The following CSN2 variants were observed in gnomAD, a reference collection of about 807,000 sequenced individuals.
The protein encoded by CSN2 is beta-casein.
Under a neutral mutation model 27.3 loss-of-function variants are expected in CSN2, and 27 were observed. The ratio of observed to expected loss-of-function variants is 0.99; its 90% CI spans 0.73 to 1.36. The LOEUF (loss-of-function observed/expected upper bound fraction) is 1.36. CSN2 is among the 40% of genes most tolerant of loss of function. The pLI is 0.00. For missense variants in CSN2, 333 were observed against 264.5 expected (o/e 1.26, Z -1.80); for synonymous variants, 131 against 94.8 (o/e 1.38, Z -2.22).
In CSN2 at chr4:69,958,960, A is replaced by G. The variant is rs1325540204; in HGVS notation, c.100-7T>C. The G allele has an allele frequency of 1.3e-6, 2 of 1,590,722 alleles. No homozygotes were observed. Among genetic ancestry groups the G allele is most frequent in the Non-Finnish European group, 1.7e-6 (2 of 1,163,164 alleles). ...TAACCTTCTCAACTTTCTGCTAAAG[A>G]TATATCATATATAAAGATATGTTAC... On this transcript the variant is annotated splice_region_variant and splice_polypyrimidine_tract_variant and intron_variant, in intron 4 of 7. Coordinates refer to ENST00000353151, the MANE Select transcript of CSN2 (RefSeq NM_001891.4).
At position 69,958,931 on chromosome 4, in the gene CSN2, T is replaced by C. The variant is rs1337747245; in HGVS notation, c.122A>G (p.His41Arg). The change falls in exon 5 of 8, where the codon CAT becomes CGT. Residue 41 changes from histidine to arginine, a missense_variant. Coordinates refer to ENST00000353151, the MANE Select transcript of CSN2 (RefSeq NM_001891.4). ...EYKQKVEKVK[H>R]EDQQQGEDEH... ...TACCTCTCCTTGCTGCTGGTCCTCA[T>C]GTTTAACCTTCTCAACTTTCTGCTA... 1.3e-6 allele frequency: 2 copies of C among 1,597,100 alleles called. No homozygotes were observed. The highest frequency in any genetic ancestry group is 2.3e-5 in the East Asian group (1 of 44,434).
chr4:69,959,646 G>A (rs768132277), intron 3 of CSN2, among the ~76,000 whole-genome samples: 6 of 151,828 alleles, frequency 4.0e-5, no homozygotes, highest in African/African-American at 4.8e-5. Flanking sequence ...CTTTTTGCAC[G>A]TCTGCCTACC....
chr4:69,958,074 AT>A (rs1723462649), intron 5 of CSN2, among the ~76,000 whole-genome samples: 1 of 152,148 alleles, frequency 6.6e-6, no homozygotes, highest in East Asian at 1.9e-4. Context: ...TTTTTTTAAC[AT>A]TTTCCTGAAT....
chr4:69,957,210 C>A, intron 6 of CSN2, 64 bp downstream of exon 6: 1 of 1,409,224 alleles, frequency 7.1e-7, no homozygotes. Context: ...TACATTTATT[C>A]TTTTATTCTA....
chr4:69,958,442 T>C (rs1008781697), intron 5 of CSN2, among the ~76,000 whole-genome samples: 1 of 152,130 alleles, frequency 6.6e-6, no homozygotes, highest in Non-Finnish European at 1.5e-5. Flanking sequence ...CACAAAGCAA[T>C]TGAAAATTAT....
chr4:69,961,315 CA>C (rs1343452439), intron 1 of CSN2, among the ~76,000 whole-genome samples: 1 of 151,958 alleles, frequency 6.6e-6, no homozygotes, highest in African/African-American at 2.4e-5. Context: ...TTGAATTTTT[CA>C]AAAGGCATAA....
In CSN2 at chr4:69,959,084, A is replaced by C; in HGVS notation, c.79-15T>G. 7.6e-7 allele frequency: 1 copy of C among 1,321,632 alleles called. No individual in the cohort carries two copies. Among genetic ancestry groups the C allele is most frequent in the Non-Finnish European group, 1.0e-6 (1 of 956,502 alleles). The allele number at this position is 1,321,632 out of a possible 1,614,324, so 81.9% of individuals were successfully genotyped here. Reference sequence around the variant, plus strand: ...GTAATAGATTCCTACAGAAAAATATAAAATAAAATTAGGTTTAGTTTTAAC... The same window carrying C: ...GTAATAGATTCCTACAGAAAAATATCAAATAAAATTAGGTTTAGTTTTAAC... On this transcript the variant is annotated splice_polypyrimidine_tract_variant and intron_variant, in intron 3 of 7. Transcript: ENST00000353151.
chr4:69,957,572 A>G lies in CSN2; in HGVS notation c.377T>C (p.Phe126Ser), dbSNP rs1363843344. The change falls in exon 6 of 8, where the codon TTT becomes TCT. Residue 126 changes from phenylalanine (F) to serine (S), a missense_variant. Coordinates refer to ENST00000353151, the MANE Select transcript of CSN2 (RefSeq NM_001891.4). ...PVLKSPTIPF[F>S]DPQIPKLTDL... ...AGTGAGTTTTGGGATTTGAGGGTCAAAAAAGGGTATCGTTGGAGATTTAAG... is the reference window on the plus strand; with the variant it reads ...AGTGAGTTTTGGGATTTGAGGGTCAGAAAAGGGTATCGTTGGAGATTTAAG... 26 of 1,613,866 alleles carry G rather than the reference A, an allele frequency of 1.6e-5. No individual in the cohort carries two copies. Among genetic ancestry groups the G allele is most frequent in the Non-Finnish European group, 2.0e-5 (24 of 1,180,006 alleles).
intron 6 of CSN2, among the ~76,000 whole-genome samples, chr4:69,956,751 C>T (rs892905538): frequency 2.0e-5 from 3 of 152,040 alleles, no homozygotes; most frequent in African/African-American, 7.2e-5. Flanking sequence ...GCCTTAATTA[C>T]TTTATCTAAA....
rs760106872 is a variant in CSN2 at position 69,959,929 on chromosome 4, G to T, written c.78+124C>A. The T allele has an allele frequency of 1.6e-4, 118 of 746,088 alleles. No individual in the cohort carries two copies. In the East Asian group the frequency reaches 2.6e-3, roughly 16 times the overall value. The allele number at this position is 746,088 out of a possible 1,614,324, so 46.2% of individuals were successfully genotyped here. A position where few individuals can be genotyped will look rare whatever the true frequency, so the allele number is the denominator to read the frequency against. ...TTATTGTCCTTAAACACACATAAAA[G>T]AAATATGTACTAGAACTTATATGTC... On this transcript the variant is annotated intron_variant, in intron 3 of 7. Coordinates refer to ENST00000353151, the MANE Select transcript of CSN2 (RefSeq NM_001891.4).
At chr4:69,962,066 G>T (rs1355044520) in intron 1 of CSN2, among the ~76,000 whole-genome samples, 1 of 152,028 alleles carries the variant, frequency 6.6e-6, no homozygotes, top group African/African-American at 2.4e-5. Context: ...ACAAACCACT[G>T]CTCAAGGAAA....
At chr4:69,961,190 A>G (rs1723568433) in intron 1 of CSN2, among the ~76,000 whole-genome samples, 183 bp from the exon 2 acceptor site, 1 of 152,174 alleles carries the variant, frequency 6.6e-6, no homozygotes, top group South Asian at 2.1e-4. Flanking sequence ...AAGGAGGTCA[A>G]AATCCATTCT....
rs1723390074 is a variant in CSN2, at chr4:69,956,176, C to T, written c.*36+138G>A. On this transcript the variant is annotated intron_variant, in intron 7 of 7. Transcript: ENST00000353151. ...TTCAGGTCAGTAAATGATAGTCAAC[C>T]ATTAAATTGATAATTAATAAAAAAA... 5 of 434,118 alleles carry T rather than the reference C, an allele frequency of 1.2e-5. No individual in the cohort carries two copies. The East Asian group carries it at 2.2e-4, about 19-fold the overall frequency. The allele number at this position is 434,118 out of a possible 1,614,324, so 26.9% of individuals were successfully genotyped here.
At chr4:69,959,735 C>T (rs1723510846) in intron 3 of CSN2, among the ~76,000 whole-genome samples, 1 of 151,890 alleles carries the variant, frequency 6.6e-6, no homozygotes, top group African/African-American at 2.4e-5. Context: ...CAATGTCTGA[C>T]CCATAGAAGG....
intron 1 of CSN2, among the ~76,000 whole-genome samples, chr4:69,962,907 C>T (rs964355030): frequency 1.3e-5 from 2 of 152,090 alleles, no homozygotes; most frequent in Non-Finnish European, 2.9e-5. Context: ...CAAACAACCC[C>T]ATCAAAAAGT....
At chr4:69,960,375 T>C (rs965613469) in intron 2 of CSN2, among the ~76,000 whole-genome samples, 17 of 151,698 alleles carry the variant, frequency 1.1e-4, no homozygotes, top group Admixed American at 5.9e-4. Flanking sequence ...ATGTCTTTTA[T>C]ATTTAGTAAT....
chr4:69,963,580 C>T (rs979067329), intron 1 of CSN2, among the ~76,000 whole-genome samples: 1 of 149,006 alleles, frequency 6.7e-6, no homozygotes, highest in Admixed American at 6.7e-5. Flanking sequence ...CACACCGGGG[C>T]TGTTGTGGGG....
Position 69,956,314 on chromosome 4 carries a change from CA to C in CSN2, c.*35del. 4 of 1,391,548 alleles carry C rather than the reference CA, an allele frequency of 2.9e-6. No homozygotes were observed. The highest frequency in any genetic ancestry group is 3.8e-6 in the Non-Finnish European group (4 of 1,055,128). The allele number at this position is 1,391,548 out of a possible 1,614,324, so 86.2% of individuals were successfully genotyped here. ...AAATCTCCAAACTCCCAAAACTTAC[CA>C]AAAATAAGGAGGGAAAATTAACTTT... On this transcript the variant is annotated splice_region_variant and 3_prime_UTR_variant, in exon 7 of 8. Transcript: ENST00000353151.
intron 1 of CSN2, among the ~76,000 whole-genome samples, chr4:69,962,552 G>T (rs573002048): frequency 7.2e-5 from 11 of 151,938 alleles, no homozygotes; most frequent in African/African-American, 2.4e-4. Flanking sequence ...CTGAAACCGG[G>T]TCCCTTCCTT....
Sources: allele counts gnomAD v4.1 joint callset (sites outside exome capture counted in the v4.1 genomes callset), GRCh38; gene constraint gnomAD v4.1.1; transcripts MANE v1.5; gene names NCBI Gene and HGNC (gene_info 2026-07-23, HGNC 2026-07-21).